Variants in HSD17B12 observed in about 807,000 individuals in gnomAD.
The protein encoded by HSD17B12 is very-long-chain 3-oxoacyl-CoA reductase.
Under a neutral mutation model 39.3 loss-of-function variants are expected in HSD17B12, and 32 were observed. The ratio of observed to expected loss-of-function variants is 0.81; its 90% CI spans 0.61 to 1.09. The LOEUF (loss-of-function observed/expected upper bound fraction) is 1.09. HSD17B12 is among the 50% of genes least tolerant of loss of function. The pLI is 0.00. For missense variants in HSD17B12, 342 were observed against 382.9 expected, an observed-to-expected ratio of 0.89 and a Z score of 0.89; for synonymous variants, 150 against 146.7, an observed-to-expected ratio of 1.02 and a Z score of -0.16.
the HSD17B12 span, among the ~76,000 whole-genome samples, chr11:43,589,087 C>T: frequency 2.6e-5 from 4 of 151,314 alleles, no homozygotes; most frequent in South Asian, 8.3e-4. Context: ...AATGTTTAGG[C>T]AATTTCCACC....
the HSD17B12 span, among the ~76,000 whole-genome samples, chr11:43,663,578 G>C: frequency 6.6e-6 from 1 of 152,192 alleles, no homozygotes; most frequent in African/African-American, 2.4e-5. Context: ...AAGTAAGGCA[G>C]ACAAATTTTG....
chr11:43,609,326 T>C, the HSD17B12 span, among the ~76,000 whole-genome samples: 1 of 148,338 alleles, frequency 6.7e-6, no homozygotes, highest in Non-Finnish European at 1.5e-5. Flanking sequence ...ATATATGATA[T>C]AATTTTATAA....
rs139484823 is a variant in HSD17B12 at position 43,696,955 on chromosome 11, G to T, written c.160+15968G>T. 6.2e-3 allele frequency among the ~76,000 whole-genome samples: 933 copies of T among 150,576 alleles called. 14 individuals are homozygous for T. The highest frequency in any genetic ancestry group is 0.021 in the African/African-American group (874 of 40,974). Reference sequence around the variant, plus strand: ...ATGTTCTCACCCATAAGTGAGAGTTGAACAATGAGAACACGTGGACACAGA... The same window carrying T: ...ATGTTCTCACCCATAAGTGAGAGTTTAACAATGAGAACACGTGGACACAGA... On this transcript the variant is annotated intron_variant, in intron 1 of 10. Coordinates refer to ENST00000278353, the MANE Select transcript of HSD17B12 (RefSeq NM_016142.3).
the HSD17B12 span, among the ~76,000 whole-genome samples, chr11:43,649,332 T>C: frequency 1.3e-5 from 2 of 152,066 alleles, no homozygotes; most frequent in Non-Finnish European, 2.9e-5. Flanking sequence ...ATCATATTAA[T>C]TTTTTAGACA....
At chr11:43,834,867 TG>T (rs1047499100) in intron 7 of HSD17B12, among the ~76,000 whole-genome samples, 1 of 151,472 alleles carries the variant, frequency 6.6e-6, no homozygotes, top group Non-Finnish European at 1.5e-5. Context: ...TGTCAGCAAT[TG>T]GTGTTTTCTG....
chr11:43,847,620 T>C (rs1181192319), intron 9 of HSD17B12, among the ~76,000 whole-genome samples: 1 of 149,086 alleles, frequency 6.7e-6, no homozygotes, highest in African/African-American at 2.5e-5. Context: ...GACAGGAGAA[T>C]CACTTGAGCC....
At chr11:43,849,187 C>T (rs891043133) in intron 9 of HSD17B12, among the ~76,000 whole-genome samples, 2 of 152,124 alleles carry the variant, frequency 1.3e-5, no homozygotes, top group Non-Finnish European at 2.9e-5. Flanking sequence ...CACCTGTGGT[C>T]CTTGATACTT....
chr11:43,703,368 G>A (rs1000381950), intron 1 of HSD17B12, among the ~76,000 whole-genome samples: 9 of 151,982 alleles, frequency 5.9e-5, no homozygotes, highest in Non-Finnish European at 1.2e-4. Context: ...CTAATTTTTT[G>A]TATTTTTAGT....
In HSD17B12 at chr11:43,799,006, T is replaced by G. The variant is rs138150937; in HGVS notation, c.391+579T>G. ...AATCCATGAATGTGGAGCTCACAGA[T>G]AATAGGACTGATGGTAGTTATATTG... On this transcript the variant is annotated intron_variant, in intron 4 of 10. Transcript: ENST00000278353. 4.0e-3 allele frequency among the ~76,000 whole-genome samples: 611 copies of G among 152,286 alleles called. 8 individuals carry two copies. Among genetic ancestry groups the G allele is most frequent in the African/African-American group, 0.014 (589 of 41,568 alleles).
At position 43,758,698 on chromosome 11, in the gene HSD17B12, A is replaced by G. The variant is rs1950532252; in HGVS notation, c.283+4577A>G. On this transcript the variant is annotated intron_variant, in intron 3 of 10. Coordinates refer to ENST00000278353, the MANE Select transcript of HSD17B12 (RefSeq NM_016142.3). ...GTTTTTATTCTATAAGTGCTCCAGT[A>G]TATTCAGAAGAAGCCACAGCTTAGC... 2.0e-5 allele frequency among the ~76,000 whole-genome samples: 3 copies of G among 152,326 alleles called. No individual in the cohort carries two copies. In the East Asian group the frequency reaches 5.8e-4, roughly 29 times the overall value.
rs767284719 is a variant in HSD17B12, at chr11:43,854,717, T to A, written c.687T>A (p.Ser229Arg). The A allele has an allele frequency of 6.2e-7, 1 of 1,613,408 alleles. No homozygotes were observed. Among genetic ancestry groups the A allele is most frequent in the Non-Finnish European group, 8.5e-7 (1 of 1,179,996 alleles). Reference sequence around the variant, plus strand: ...TGGGGTGGGTGTTCCCTTTCTAGAGTGTCCTGCCATACTTCGTAGCTACAA... The same window carrying A: ...TGGGGTGGGTGTTCCCTTTCTAGAGAGTCCTGCCATACTTCGTAGCTACAA... ...EYRSKGVFVQSVLPYFVATKL... is the reference protein window; with the variant it reads ...EYRSKGVFVQRVLPYFVATKL... The change falls in exon 10 of 11, where the codon AGT (serine) becomes AGA (arginine). Residue 229 changes from serine to arginine, a missense_variant and splice_region_variant. Coordinates refer to ENST00000278353, the MANE Select transcript of HSD17B12 (RefSeq NM_016142.3).
intron 7 of HSD17B12, among the ~76,000 whole-genome samples, chr11:43,832,703 T>G (rs984568580): frequency 2.0e-5 from 3 of 152,130 alleles, no homozygotes; most frequent in Admixed American, 1.3e-4. Context: ...TAGTCAAGCG[T>G]CTCAAGGATG....
At chr11:43,720,927 A>T (rs7129029) in intron 1 of HSD17B12, among the ~76,000 whole-genome samples, 76,226 of 151,858 alleles carry the variant, frequency 0.5, 19,622 homozygotes, top group Non-Finnish European at 0.53. Context: ...TCTCTTGAAA[A>T]ATAGTAAGCT....
At chr11:43,592,856 T>C in the HSD17B12 span, among the ~76,000 whole-genome samples, 1 of 152,130 alleles carries the variant, frequency 6.6e-6, no homozygotes, top group Non-Finnish European at 1.5e-5. Flanking sequence ...TCAGGATCCT[T>C]TTTTGATCTC....
At chr11:43,616,416 AACAAAAAAC>A in the HSD17B12 span, among the ~76,000 whole-genome samples, 2 of 59,776 alleles carry the variant, frequency 3.3e-5, no homozygotes, top group African/African-American at 4.9e-5. Context: ...CTAAAAAAAA[AACAAAAAAC>A]AAAAAAAAAA....
rs776786859 is a variant in HSD17B12, at chr11:43,802,277, C to T, written c.391+3850C>T. Among the ~76,000 whole-genome samples the T allele has an allele frequency of 3.4e-4, 51 of 152,126 alleles. 1 individual carries two copies. The highest frequency in any genetic ancestry group is 2.1e-3 in the Admixed American group (32 of 15,292). ...CTGGGATTACAGGAGTGAGCCACCA[C>T]GCCCAGCCCAGATGAAGTTAATTTT... On this transcript the variant is annotated intron_variant, in intron 4 of 10. Transcript: ENST00000278353.
At chr11:43,559,526 G>A in the HSD17B12 span, 1 of 154,640 alleles carries the variant, frequency 6.5e-6, no homozygotes, top group Admixed American at 6.5e-5. Flanking sequence ...TATGCATGTG[G>A]GTACCCAGGG....
intron 8 of HSD17B12, among the ~76,000 whole-genome samples, chr11:43,839,361 T>G (rs1004472531): frequency 9.2e-5 from 14 of 152,284 alleles, no homozygotes; most frequent in African/African-American, 3.1e-4. Flanking sequence ...TCAACTTATC[T>G]GTTCTACTCC....
intron 4 of HSD17B12, among the ~76,000 whole-genome samples, chr11:43,807,636 C>G (rs548144260): frequency 6.6e-6 from 1 of 152,242 alleles, no homozygotes; most frequent in South Asian, 2.1e-4. Flanking sequence ...ATCTTTCTGA[C>G]TCCCACATAG....
Sources: allele counts gnomAD v4.1 joint callset (sites outside exome capture counted in the v4.1 genomes callset), GRCh38; gene constraint gnomAD v4.1.1; transcripts MANE v1.5; gene names NCBI Gene and HGNC (gene_info 2026-07-23, HGNC 2026-07-21).